Variants in EIF2D observed in about 807,000 individuals in gnomAD.
The protein encoded by EIF2D is eukaryotic translation initiation factor 2D.
EIF2D carries 56 observed loss-of-function variants against 77.4 expected under a neutral mutation model. The ratio of observed to expected loss-of-function variants is 0.72; its 90% CI spans 0.58 to 0.90. The LOEUF is 0.90. Ranked by LOEUF, EIF2D falls within the 40% of genes least tolerant of loss-of-function variation. EIF2D has a pLI of 0.00. For missense variants in EIF2D, 574 were observed against 706.5 expected (o/e 0.81, Z 2.13); for synonymous variants, 230 against 271.0 (o/e 0.85, Z 1.49).
At position 206,605,394 on chromosome 1, in the gene EIF2D, A is replaced by T; in HGVS notation, c.530+6T>A. 1 of 1,611,650 alleles carries T rather than the reference A, an allele frequency of 6.2e-7. No homozygotes were observed. Among genetic ancestry groups the T allele is most frequent in the Non-Finnish European group, 8.5e-7 (1 of 1,177,944 alleles). On this transcript the variant is annotated splice_donor_region_variant and intron_variant, in intron 5 of 14. Coordinates refer to ENST00000271764, the MANE Select transcript of EIF2D (RefSeq NM_006893.3). The stretch of plus-strand genomic sequence containing the variant: ...CTCTGTAAAACAGAAGAAACTCTGT[A>T]CCCACCACAAGTGGTCCTGGTAAGT...
chr1:206,586,964 G>C (rs782253930), downstream of EIF2D: 4 of 1,613,950 alleles, frequency 2.5e-6, no homozygotes, highest in Non-Finnish European at 3.4e-6. Flanking sequence ...AGAATCCCAG[G>C]GCAAACCTGG....
chr1:206,609,368 C>A lies in EIF2D; in HGVS notation c.331+8G>T, dbSNP rs1670359508. 2 of 1,613,670 alleles carry A rather than the reference C, an allele frequency of 1.2e-6. No homozygotes were observed. Among genetic ancestry groups the A allele is most frequent in the Non-Finnish European group, 1.7e-6 (2 of 1,179,628 alleles). On this transcript the variant is annotated splice_region_variant and intron_variant, in intron 3 of 14. Coordinates refer to ENST00000271764, the MANE Select transcript of EIF2D (RefSeq NM_006893.3). ...GCCAATAGCCAGAATATAGGAGAAT[C>A]CTCTTACCTGCTCCCCCTACCAGTT...
chr1:206,598,576 G>A (rs1553410631), intron 11 of EIF2D, among the ~76,000 whole-genome samples: 1 of 152,144 alleles, frequency 6.6e-6, no homozygotes, highest in East Asian at 1.9e-4. Flanking sequence ...AATACTCAAG[G>A]TGATGATACC....
At position 206,584,780 on chromosome 1, in the gene EIF2D, G is replaced by A. The variant is rs1553407250; in HGVS notation, c.139-3618C>T. Reference sequence around the variant, plus strand: ...CTGCCGGCCTTGGGTGGGAGCTGTGGGCTTCTCCTGAGCACCAGGGGTCCA... The same window carrying A: ...CTGCCGGCCTTGGGTGGGAGCTGTGAGCTTCTCCTGAGCACCAGGGGTCCA... On this transcript the variant is annotated intron_variant and NMD_transcript_variant, in intron 2 of 5. Transcript: ENST00000472709. The surrounding 1 kb of genome is among the most constrained non-coding windows in gnomAD (Gnocchi z 4.9). The A allele has an allele frequency of 4.4e-6, 6 of 1,350,836 alleles. No individual in the cohort carries two copies. The highest frequency in any genetic ancestry group is 6.2e-6 in the Non-Finnish European group (6 of 973,378). The allele number at this position is 1,350,836 out of a possible 1,614,324, so 83.7% of individuals were successfully genotyped here.
chr1:206,603,146 C>A lies in EIF2D; in HGVS notation c.589G>T (p.Asp197Tyr). 6.2e-7 allele frequency: 1 copy of A among 1,614,158 alleles called. No individual in the cohort carries two copies. Among genetic ancestry groups the A allele is most frequent in the Non-Finnish European group, 8.5e-7 (1 of 1,180,046 alleles). Residue 197 changes from aspartate (D) to tyrosine (Y), a missense_variant, in exon 6 of 15, where the codon GAT (aspartate) becomes TAT (tyrosine). Asp to Tyr is a radical substitution (Grantham distance 160). Transcript: ENST00000271764. ...ACAGACCCCTTCTCTTCACTGAGATCTGCTGAATCCAGGGCCAGTGGAGCA... is the reference window on the plus strand; with the variant it reads ...ACAGACCCCTTCTCTTCACTGAGATATGCTGAATCCAGGGCCAGTGGAGCA... ...SIAPLALDSA[D>Y]LSEEKGSVQM...
In EIF2D at chr1:206,584,392, A is replaced by C; in HGVS notation, c.139-3230T>G. 1 of 1,610,700 alleles carries C rather than the reference A, an allele frequency of 6.2e-7. No homozygotes were observed. Among genetic ancestry groups the C allele is most frequent in the Non-Finnish European group, 8.5e-7 (1 of 1,177,794 alleles). On this transcript the variant is annotated intron_variant and NMD_transcript_variant, in intron 2 of 5. Coordinates refer to the EIF2D transcript ENST00000472709. This position sits in a 1 kb window ranked among gnomAD's most constrained non-coding sequence, Gnocchi z 4.9. ...TGACATGCCCCCGCTGGCAGAGTGA[A>C]GACGGCACCTACACGGGTTTCATCA... is the stretch of plus-strand genomic sequence containing the variant.
chr1:206,590,247 G>C (rs575974643), downstream of EIF2D, among the ~76,000 whole-genome samples: 13 of 152,306 alleles, frequency 8.5e-5, no homozygotes, highest in African/African-American at 3.1e-4. Context: ...ACAGCACTGT[G>C]TCATGGCAGA....
At chr1:206,609,256 A>C in intron 3 of EIF2D, 120 bp downstream of exon 3, 1 of 923,560 alleles carries the variant, frequency 1.1e-6, no homozygotes, top group East Asian at 2.5e-5. Context: ...TAAAACACAT[A>C]GGGGAAAAAA....
intron 11 of EIF2D, among the ~76,000 whole-genome samples, chr1:206,598,385 C>T (rs1417149672): frequency 6.6e-6 from 1 of 152,160 alleles, no homozygotes; most frequent in Non-Finnish European, 1.5e-5. Context: ...TGGTAGTTTA[C>T]CATCTGTATC....
intron 2 of EIF2D, among the ~76,000 whole-genome samples, chr1:206,581,395 C>T (rs369361898): frequency 3.3e-5 from 5 of 151,936 alleles, no homozygotes; most frequent in East Asian, 1.9e-4. Context: ...GTCAGGAGTT[C>T]GACATCAGCC....
chr1:206,590,429 G>A (rs1219121226), downstream of EIF2D, among the ~76,000 whole-genome samples: 5 of 152,216 alleles, frequency 3.3e-5, no homozygotes, highest in African/African-American at 9.6e-5. Flanking sequence ...ACTTTGCACA[G>A]TGCTATATTT....
chr1:206,575,167 C>G lies in EIF2D; in HGVS notation c.*255-2468G>C, dbSNP rs190350755. Reference sequence around the variant, plus strand: ...CCAGCCCAGATAGATGGGTGTCTGCCCCTTGCCTGCAGACGTTCCCATCTA... The same window carrying G: ...CCAGCCCAGATAGATGGGTGTCTGCGCCTTGCCTGCAGACGTTCCCATCTA... On this transcript the variant is annotated intron_variant and NMD_transcript_variant, in intron 4 of 5. Coordinates refer to the EIF2D transcript ENST00000472709. 2.1e-4 allele frequency among the ~76,000 whole-genome samples: 32 copies of G among 152,170 alleles called. 1 individual carries two copies. In the East Asian group the frequency reaches 5.8e-3, roughly 28 times the overall value.
chr1:206,598,236 T>C (rs1316887320), intron 11 of EIF2D, among the ~76,000 whole-genome samples: 1 of 151,786 alleles, frequency 6.6e-6, no homozygotes, highest in African/African-American at 2.4e-5. Context: ...CAGGGTTTCA[T>C]CATGCTGCTC....
At chr1:206,586,889 G>C (rs764844474), downstream of EIF2D, 58 of 1,614,042 alleles carry the variant, frequency 3.6e-5, no homozygotes, top group Admixed American at 8.3e-5. Flanking sequence ...AGAGGAGCAG[G>C]ACAAAATCCA....
chr1:206,595,561 A>T, intron 13 of EIF2D, 157 bp downstream of exon 13: 1 of 875,278 alleles, frequency 1.1e-6, no homozygotes, highest in Non-Finnish European at 1.7e-6. Flanking sequence ...CCTGTTTCAT[A>T]CAGAGCCCAG....
chr1:206,574,813 C>A (rs142612015), intron 4 of EIF2D, among the ~76,000 whole-genome samples: 20 of 144,878 alleles, frequency 1.4e-4, no homozygotes, highest in Non-Finnish European at 2.6e-4. Flanking sequence ...AGGGATTCCT[C>A]TTTCTCATTT....
rs947513270 is a variant in EIF2D at position 206,599,245 on chromosome 1, T to C, written c.1203-153A>G. On this transcript the variant is annotated intron_variant, in intron 10 of 14. Coordinates refer to ENST00000271764, the MANE Select transcript of EIF2D (RefSeq NM_006893.3). This position sits in a 1 kb window ranked among gnomAD's most constrained non-coding sequence, Gnocchi z 4.1. The stretch of plus-strand genomic sequence containing the variant: ...TTCCTGACTGAAGTGAGCATGACCA[T>C]GTGAAGAATAATTACACGCAGAAAA... Among the ~76,000 whole-genome samples the C allele has an allele frequency of 2.2e-4, 34 of 152,262 alleles. No individual in the cohort carries two copies. Among genetic ancestry groups the C allele is most frequent in the African/African-American group, 7.5e-4 (31 of 41,554 alleles).
chr1:206,590,061 C>T (rs949785175), downstream of EIF2D, among the ~76,000 whole-genome samples: 2 of 152,156 alleles, frequency 1.3e-5, no homozygotes, highest in Non-Finnish European at 2.9e-5. Flanking sequence ...CAAAGTTGTA[C>T]GTTTGACATT....
intron 12 of EIF2D, 22 bp downstream of exon 12, chr1:206,597,078 A>T (rs782603266): frequency 5.7e-6 from 9 of 1,588,410 alleles, no homozygotes; most frequent in Non-Finnish European, 7.8e-6. Context: ...AAAGTTGGAG[A>T]GGGACTGCCA....
Sources: gnomAD v4.1 joint callset for allele counts (sites outside exome capture counted in the v4.1 genomes callset) on GRCh38, gnomAD v4.1.1 for gene constraint, Gnocchi (gnomAD v3.1) non-coding constraint, MANE v1.5 for transcripts, NCBI Gene and HGNC (gene_info 2026-07-23, HGNC 2026-07-21) for gene names.